SNTB1: variants seen among roughly 807,000 people sequenced by gnomAD.
SNTB1 encodes the protein syntrophin beta 1, also known as beta-1-syntrophin.
A neutral mutation model predicts 48.9 loss-of-function variants in SNTB1; 36 were observed. The observed-to-expected ratio is 0.74, with a 90% CI of 0.56 to 0.97. The LOEUF (loss-of-function observed/expected upper bound fraction) is 0.97. SNTB1 is among the 50% of genes least tolerant of loss of function. The pLI is 0.00. For synonymous variants in SNTB1, 299 were observed against 294.6 expected, an observed-to-expected ratio of 1.01 and a Z score of -0.15; for missense variants, 786 against 703.4, an observed-to-expected ratio of 1.12 and a Z score of -1.33.
At chr8:120,776,618 TAA>T (rs1043661834) in intron 1 of SNTB1, 88 of 152,266 alleles carry the variant, frequency 5.8e-4, no homozygotes, top group African/African-American at 2.1e-3. Flanking sequence ...ACAACCAAAA[TAA>T]AACTTCGTTT....
chr8:120,627,317 T>C (rs1319845646), intron 3 of SNTB1, among the ~76,000 whole-genome samples: 8 of 152,212 alleles, frequency 5.3e-5, no homozygotes, highest in African/African-American at 1.7e-4. Flanking sequence ...CTGAAATTCA[T>C]GGATATGTGT....
chr8:120,660,930 G>T (rs1817577784), intron 2 of SNTB1, among the ~76,000 whole-genome samples: 1 of 152,128 alleles, frequency 6.6e-6, no homozygotes, highest in South Asian at 2.1e-4. Flanking sequence ...GCCAATCGAT[G>T]GAGCCGACAG....
At chr8:120,794,891 C>A (rs73325140) in intron 1 of SNTB1, among the ~76,000 whole-genome samples, 6,550 of 152,080 alleles carry the variant, frequency 0.043, 198 homozygotes, top group South Asian at 0.094. Flanking sequence ...ATTATCTTTA[C>A]AAACCATTTT....
At chr8:120,796,654 G>A (rs545009186) in intron 1 of SNTB1, among the ~76,000 whole-genome samples, 6 of 152,114 alleles carry the variant, frequency 3.9e-5, no homozygotes, top group African/African-American at 1.4e-4. Flanking sequence ...TTCTTTTAGG[G>A]AAAGCATGCT....
chr8:120,536,686 TAATTA>T lies in SNTB1; in HGVS notation c.*2186_*2190del, dbSNP rs1421273924. 5 of 152,102 alleles carry T rather than the reference TAATTA, an allele frequency of 3.3e-5. No individual in the cohort carries two copies. Among genetic ancestry groups the T allele is most frequent in the Non-Finnish European group, 5.9e-5 (4 of 68,006 alleles). 9.4% of individuals were successfully genotyped at this position (152,102 alleles called of 1,614,324 possible). A position where few individuals can be genotyped will look rare whatever the true frequency, so the allele number is the denominator to read the frequency against. On this transcript the variant is annotated 3_prime_UTR_variant, in exon 7 of 7. Transcript: ENST00000517992. ...CAAATATATTTTCCTAAAATATAAA[TAATTA>T]AATTAAATGTTTATAAATGTAGAGA... is the stretch of plus-strand genomic sequence containing the variant.
rs558507858 is a variant in SNTB1, at chr8:120,618,196, T to C, written c.996+14248A>G. ...TTCCTTTGAGCCCCCACTGATTTAA[T>C]ATGGAAATAAATTATAGCATGCACA... On this transcript the variant is annotated intron_variant, in intron 3 of 6. Transcript: ENST00000517992. Among the ~76,000 whole-genome samples, 55 of 152,332 alleles carry C rather than the reference T, an allele frequency of 3.6e-4. 1 individual carries two copies. In the South Asian group the frequency reaches 0.011, roughly 31 times the overall value.
intron 1 of SNTB1, 117 bp downstream of exon 1, chr8:120,811,156 C>A: frequency 7.3e-7 from 1 of 1,370,212 alleles, no homozygotes; most frequent in Non-Finnish European, 9.6e-7. Flanking sequence ...ACACACACAC[C>A]CGGCCCCCTG....
At chr8:120,564,922 G>C (rs1350772013) in intron 4 of SNTB1, among the ~76,000 whole-genome samples, 1 of 150,692 alleles carries the variant, frequency 6.6e-6, no homozygotes, top group Non-Finnish European at 1.5e-5. Context: ...GACGTCACTT[G>C]CTTGTGGTCA....
intron 2 of SNTB1, among the ~76,000 whole-genome samples, chr8:120,679,403 C>T (rs996699828): frequency 6.6e-6 from 1 of 152,184 alleles, no homozygotes; most frequent in Non-Finnish European, 1.5e-5. Context: ...ACCTTTCCTC[C>T]ACCTACCTCT....
intron 2 of SNTB1, among the ~76,000 whole-genome samples, chr8:120,642,057 T>C (rs911606809): frequency 3.3e-5 from 5 of 152,136 alleles, no homozygotes; most frequent in Non-Finnish European, 5.9e-5. Flanking sequence ...AACTAGGAAC[T>C]CTGGGGGTGG....
intron 1 of SNTB1, among the ~76,000 whole-genome samples, chr8:120,749,551 A>G (rs1190189552): frequency 1.3e-5 from 2 of 152,010 alleles, no homozygotes; most frequent in Non-Finnish European, 2.9e-5. Context: ...TTCTGGTAGT[A>G]TCTTGTGGCT....
intron 1 of SNTB1, among the ~76,000 whole-genome samples, chr8:120,699,551 C>A (rs1366347403): frequency 6.6e-6 from 1 of 152,192 alleles, no homozygotes; most frequent in Non-Finnish European, 1.5e-5. Flanking sequence ...TGGGGCATCA[C>A]CAGAAGCCAA....
Position 120,563,383 on chromosome 8 carries a change from T to C in SNTB1, c.1136+11703A>G, listed in dbSNP as rs369185696. On this transcript the variant is annotated intron_variant, in intron 4 of 6. Transcript: ENST00000517992. ...CTCATAAAAAGCTGAGGAATGAGAA[T>C]TGCTAAAATTACAACTTGTTTGCAA... Among the ~76,000 whole-genome samples, 10 of 152,092 alleles carry C rather than the reference T, an allele frequency of 6.6e-5. No individual in the cohort carries two copies. The East Asian group carries it at 1.4e-3, about 21-fold the overall frequency.
intron 5 of SNTB1, 146 bp from the exon 6 acceptor site, chr8:120,542,146 A>G (rs1400290361): frequency 2.5e-5 from 15 of 590,282 alleles, no homozygotes; most frequent in Non-Finnish European, 4.3e-5. Flanking sequence ...TGTTCATGAA[A>G]ATATTCTGTT....
chr8:120,674,665 A>G (rs372609662), intron 2 of SNTB1, among the ~76,000 whole-genome samples: 53 of 152,262 alleles, frequency 3.5e-4, no homozygotes, highest in African/African-American at 1.2e-3. Flanking sequence ...TTTAACACAT[A>G]TTGCCTCATT....
intron 2 of SNTB1, among the ~76,000 whole-genome samples, chr8:120,640,527 G>C (rs939655870): frequency 6.6e-6 from 1 of 152,034 alleles, no homozygotes; most frequent in Admixed American, 6.6e-5. Flanking sequence ...GTCATAAATA[G>C]CTCTTATTAT....
intron 5 of SNTB1, among the ~76,000 whole-genome samples, chr8:120,547,568 GGTGA>G (rs1399546025): frequency 5.1e-5 from 7 of 138,016 alleles, no homozygotes; most frequent in Admixed American, 1.6e-4. Flanking sequence ...CTCCAGCCCA[GGTGA>G]CAAGAGCAAA....
At chr8:120,721,391 G>A (rs369063436) in intron 1 of SNTB1, among the ~76,000 whole-genome samples, 4 of 152,258 alleles carry the variant, frequency 2.6e-5, no homozygotes, top group South Asian at 4.1e-4. Context: ...AATTGCAGGG[G>A]CATCTGTTAA....
chr8:120,571,147 G>A (rs1160550547), intron 4 of SNTB1: 10 of 1,145,760 alleles, frequency 8.7e-6, no homozygotes, highest in Non-Finnish European at 1.1e-5. Context: ...CAGAAACTGT[G>A]AGAACAAGGC....
Sources: allele counts gnomAD v4.1 joint callset (sites outside exome capture counted in the v4.1 genomes callset), GRCh38; gene constraint gnomAD v4.1.1; transcripts MANE v1.5; gene names NCBI Gene and HGNC (gene_info 2026-07-23, HGNC 2026-07-21).